The following PCDHGB6 variants were observed in gnomAD, a reference collection of about 807,000 sequenced individuals.
The protein encoded by PCDHGB6 is protocadherin gamma subfamily B, 6.
In PCDHGB6, 51 loss-of-function variants were observed where a neutral mutation model predicts 59.1. The observed-to-expected ratio is 0.86, with a 90% CI of 0.69 to 1.09. The LOEUF (loss-of-function observed/expected upper bound fraction) is 1.09, where lower values mean the gene tolerates loss of function less well. Ranked by LOEUF, PCDHGB6 falls within the 50% of genes least tolerant of loss-of-function variation. PCDHGB6 has a pLI of 0.00. For missense variants in PCDHGB6, 1,148 were observed against 1,205.1 expected, an observed-to-expected ratio of 0.95 and a Z score of 0.70; for synonymous variants, 466 against 495.1, an observed-to-expected ratio of 0.94 and a Z score of 0.78.
intron 1 of PCDHGB6, chr5:141,423,735 G>A (rs2096770441): frequency 1.3e-6 from 1 of 777,372 alleles, no homozygotes; most frequent in African/African-American, 2.5e-5. Context: ...TTTTGAGCCT[G>A]TTATGAAAAC....
chr5:141,454,644 G>T (rs183290309), intron 1 of PCDHGB6, among the ~76,000 whole-genome samples: 2 of 151,892 alleles, frequency 1.3e-5, no homozygotes, highest in South Asian at 2.1e-4. Flanking sequence ...AACCTCAGGT[G>T]ATCTGCCCAC....
At chr5:141,421,985 C>A (rs762388624) in intron 1 of PCDHGB6, 1 of 1,608,432 alleles carries the variant, frequency 6.2e-7, no homozygotes, top group East Asian at 2.2e-5. Flanking sequence ...GTGAGTGTTC[C>A]AGAAAACATC....
Position 141,493,508 on chromosome 5 carries a change from C to T in PCDHGB6, c.2419-1299C>T, listed in dbSNP as rs2099748607. 1.3e-5 allele frequency among the ~76,000 whole-genome samples: 2 copies of T among 152,284 alleles called. No homozygotes were observed. The highest frequency in any genetic ancestry group is 4.1e-4 in the South Asian group (2 of 4,820). On this transcript the variant is annotated intron_variant, in intron 1 of 3. Transcript: ENST00000520790. The surrounding 1 kb of genome is among the most constrained non-coding windows in gnomAD (Gnocchi z 4.3). Reference sequence around the variant, plus strand: ...TCTTCTGTGGCTCCTCATTTCTGAGCAGTCCCCGCAGCGCAAACTTGGCCA... The same window carrying T: ...TCTTCTGTGGCTCCTCATTTCTGAGTAGTCCCCGCAGCGCAAACTTGGCCA...
At chr5:141,478,239 C>G in intron 1 of PCDHGB6, 1 of 1,614,132 alleles carries the variant, frequency 6.2e-7, no homozygotes. Flanking sequence ...TTTGTGGTCA[C>G]AGTGTTCGGA....
In PCDHGB6 at chr5:141,489,163, C is replaced by T. The variant is rs2099683398; in HGVS notation, c.2419-5644C>T. 1 of 1,060,592 alleles carries T rather than the reference C, an allele frequency of 9.4e-7. No individual in the cohort carries two copies. Among genetic ancestry groups the T allele is most frequent in the Admixed American group, 2.4e-5 (1 of 41,724 alleles). The allele number at this position is 1,060,592 out of a possible 1,614,324, so 65.7% of individuals were successfully genotyped here. On this transcript the variant is annotated intron_variant, in intron 1 of 3. Coordinates refer to ENST00000520790, the MANE Select transcript of PCDHGB6 (RefSeq NM_018926.3). This position sits in a 1 kb window ranked among gnomAD's most constrained non-coding sequence, Gnocchi z 4.5. ...TGGAAGGAGACATAAGAGACTTCAGCTGCTGCATTCCAAGCCCTGGGTCTA... is the reference window on the plus strand; with the variant it reads ...TGGAAGGAGACATAAGAGACTTCAGTTGCTGCATTCCAAGCCCTGGGTCTA...
Position 141,420,141 on chromosome 5 carries a change from T to C in PCDHGB6, c.2418+9521T>C, listed in dbSNP as rs556066866. 9.9e-6 allele frequency: 16 copies of C among 1,614,040 alleles called. No homozygotes were observed. The East Asian group carries it at 3.3e-4, about 34-fold the overall frequency. On this transcript the variant is annotated intron_variant, in intron 1 of 3. Coordinates refer to ENST00000520790, the MANE Select transcript of PCDHGB6 (RefSeq NM_018926.3). ...AATTTTTGTGTGCCTGGGGATCAAA[T>C]GAATCCAGAATTTAATTTTTTCACA... is the stretch of plus-strand genomic sequence containing the variant.
chr5:141,429,861 A>G (rs1483953460), intron 1 of PCDHGB6, among the ~76,000 whole-genome samples: 1 of 152,226 alleles, frequency 6.6e-6, no homozygotes, highest in Non-Finnish European at 1.5e-5. Flanking sequence ...TCTTTGGACT[A>G]CCAATTTTCT....
In PCDHGB6 at chr5:141,408,141, C is replaced by G; in HGVS notation, c.-62C>G. On this transcript the variant is annotated 5_prime_UTR_variant, in exon 1 of 4. Transcript: ENST00000520790. ...TGTCCTGGGCCGAATGCTCTTTTAG[C>G]GCGGTAGAGTGCACTTTCTCCAACT... 2 of 1,492,116 alleles carry G rather than the reference C, an allele frequency of 1.3e-6. No individual in the cohort carries two copies. The highest frequency in any genetic ancestry group is 1.8e-6 in the Non-Finnish European group (2 of 1,118,250). The allele number at this position is 1,492,116 out of a possible 1,614,324, so 92.4% of individuals were successfully genotyped here.
chr5:141,491,800 C>G lies in PCDHGB6; in HGVS notation c.2419-3007C>G. The G allele has an allele frequency of 6.7e-7, 1 of 1,500,854 alleles. No individual in the cohort carries two copies. The highest frequency in any genetic ancestry group is 8.9e-7 in the Non-Finnish European group (1 of 1,125,316). 93.0% of individuals were successfully genotyped at this position (1,500,854 alleles called of 1,614,324 possible). A position where few individuals can be genotyped will look rare whatever the true frequency, so the allele number is the denominator to read the frequency against. ...GAACTTGCATCCACTCCTCTCCGGC[C>G]GGCTTGGTCGCTGGCTGCGCTCCAC... On this transcript the variant is annotated intron_variant, in intron 1 of 3. Transcript: ENST00000520790. The surrounding 1 kb of genome is among the most constrained non-coding windows in gnomAD (Gnocchi z 6.9).
At chr5:141,492,578 G>A (rs1380328678) in intron 1 of PCDHGB6, among the ~76,000 whole-genome samples, 1 of 152,216 alleles carries the variant, frequency 6.6e-6, no homozygotes, top group Non-Finnish European at 1.5e-5. Flanking sequence ...CGAGGCGCGG[G>A]GCCAGGAGCG....
rs201857404 is a variant in PCDHGB6, at chr5:141,485,844, G to C, written c.2419-8963G>C. The C allele has an allele frequency of 1.1e-5, 18 of 1,613,772 alleles. No homozygotes were observed. The highest frequency in any genetic ancestry group is 1.4e-5 in the Non-Finnish European group (16 of 1,179,956). ...GATGGAGGGAACCCGCCGAGATCTG[G>C]CACCGCAGAGCTCCGGGTATCCGTG... is the stretch of plus-strand genomic sequence containing the variant. On this transcript the variant is annotated intron_variant, in intron 1 of 3. Transcript: ENST00000520790. This position sits in a 1 kb window ranked among gnomAD's most constrained non-coding sequence, Gnocchi z 5.7.
intron 1 of PCDHGB6, among the ~76,000 whole-genome samples, chr5:141,460,653 G>A (rs10058370): frequency 0.17 from 25,559 of 151,914 alleles, 2,196 homozygotes; most frequent in South Asian, 0.22. Flanking sequence ...TTACACATAT[G>A]TAACTGTAAA....
In PCDHGB6 at chr5:141,408,667, C is replaced by G; in HGVS notation, c.465C>G (p.Asp155Glu). ...SASAGTRLSL[D>E]PATDPDININ... ...CCGCTGGTACACGACTATCGCTTGA[C>G]CCTGCCACGGATCCTGATATAAACA... Residue 155 changes from aspartate (D) to glutamate (E), a missense_variant, in exon 1 of 4, where the codon GAC (aspartate) becomes GAG (glutamate). Physicochemically the swap from Asp to Glu is conservative, Grantham distance 45. Coordinates refer to ENST00000520790, the MANE Select transcript of PCDHGB6 (RefSeq NM_018926.3). 6.2e-7 allele frequency: 1 copy of G among 1,613,954 alleles called. No homozygotes were observed. The highest frequency in any genetic ancestry group is 8.5e-7 in the Non-Finnish European group (1 of 1,179,870).
At chr5:141,422,399 T>C in intron 1 of PCDHGB6, 3 of 1,598,374 alleles carry the variant, frequency 1.9e-6, no homozygotes, top group Non-Finnish European at 2.6e-6. Context: ...CCTAACCACC[T>C]GCCTTTTAAA....
intron 1 of PCDHGB6, chr5:141,415,324 G>A (rs2095854761): frequency 1.9e-6 from 3 of 1,614,108 alleles, no homozygotes; most frequent in African/African-American, 2.7e-5. Flanking sequence ...CGTGCTGCTG[G>A]CGCACAGGCT....
chr5:141,501,343 C>T (rs1202291965), intron 2 of PCDHGB6, among the ~76,000 whole-genome samples: 1 of 150,430 alleles, frequency 6.6e-6, no homozygotes, highest in Non-Finnish European at 1.5e-5. Context: ...ACCCCAAACT[C>T]AATAGGGCAA....
chr5:141,490,808 A>C lies in PCDHGB6; in HGVS notation c.2419-3999A>C. On this transcript the variant is annotated intron_variant, in intron 1 of 3. Coordinates refer to ENST00000520790, the MANE Select transcript of PCDHGB6 (RefSeq NM_018926.3). The surrounding 1 kb of genome is among the most constrained non-coding windows in gnomAD (Gnocchi z 5.4). The stretch of plus-strand genomic sequence containing the variant: ...CGGATCTTTGCCCAGCGTACCTTTG[A>C]CTATGAATTGCTGCAGATGCTGCAG... 1 of 1,613,884 alleles carries C rather than the reference A, an allele frequency of 6.2e-7. No homozygotes were observed. The highest frequency in any genetic ancestry group is 8.5e-7 in the Non-Finnish European group (1 of 1,179,874).
At chr5:141,447,032 C>A (rs1412709585) in intron 1 of PCDHGB6, among the ~76,000 whole-genome samples, 1 of 149,498 alleles carries the variant, frequency 6.7e-6, no homozygotes, top group Admixed American at 6.6e-5. Context: ...TGTTTTTTTT[C>A]TGTGTCTGGA....
At chr5:141,509,275 G>A (rs185255724) in intron 3 of PCDHGB6, among the ~76,000 whole-genome samples, 1 of 152,096 alleles carries the variant, frequency 6.6e-6, no homozygotes, top group East Asian at 1.9e-4. Flanking sequence ...CTCGCTACCC[G>A]CTCCCAGGGT....
Sources: gnomAD v4.1 joint callset for allele counts (sites outside exome capture counted in the v4.1 genomes callset) on GRCh38, gnomAD v4.1.1 for gene constraint, Gnocchi (gnomAD v3.1) non-coding constraint, MANE v1.5 for transcripts, NCBI Gene and HGNC (gene_info 2026-07-23, HGNC 2026-07-21) for gene names.